Variants in ZMAT5 observed in about 807,000 individuals in gnomAD.
The protein encoded by ZMAT5 is zinc finger matrin-type 5.
In ZMAT5, 23 loss-of-function variants were observed where a neutral mutation model predicts 28.0. The ratio of observed to expected loss-of-function variants is 0.82; its 90% CI spans 0.59 to 1.16. The LOEUF (loss-of-function observed/expected upper bound fraction) is 1.16. ZMAT5 is among the 50% of genes most tolerant of loss of function. The pLI is 0.00. For synonymous variants in ZMAT5, 76 were observed against 84.1 expected (o/e 0.90, Z 0.52); for missense variants, 173 against 212.7 (o/e 0.81, Z 1.16).
intron 1 of ZMAT5, among the ~76,000 whole-genome samples, chr22:29,750,340 G>A (rs905811960): frequency 2.0e-5 from 3 of 152,210 alleles, no homozygotes; most frequent in Admixed American, 6.5e-5. Context: ...GCCAGAGGGC[G>A]CAGGCAGTGA....
At chr22:29,740,033 G>A (rs1430775013) in intron 4 of ZMAT5, among the ~76,000 whole-genome samples, 3 of 152,220 alleles carry the variant, frequency 2.0e-5, no homozygotes, top group African/African-American at 2.4e-5. Context: ...GGGGGCTCAC[G>A]CGAGGCCTTT....
intron 1 of ZMAT5, among the ~76,000 whole-genome samples, chr22:29,753,469 A>G (rs998881862): frequency 1.3e-5 from 2 of 152,036 alleles, no homozygotes; most frequent in African/African-American, 4.8e-5. Context: ...AGGTTGCAGT[A>G]AGCAGAGATC....
intron 3 of ZMAT5, among the ~76,000 whole-genome samples, chr22:29,741,714 A>G (rs113509904): frequency 0.018 from 2,798 of 152,126 alleles, 91 homozygotes; most frequent in African/African-American, 0.065. Context: ...CAGTGGTGCA[A>G]TCATAGCTCA....
intron 1 of ZMAT5, among the ~76,000 whole-genome samples, chr22:29,757,279 G>A (rs1046133058): frequency 6.7e-6 from 1 of 149,412 alleles, no homozygotes; most frequent in Admixed American, 6.7e-5. Flanking sequence ...GCTAGCCTAA[G>A]GTAGCAGATG....
rs552535512 is a variant in ZMAT5, at chr22:29,764,016, G to C, written c.-28+2856C>G. 3.4e-4 allele frequency among the ~76,000 whole-genome samples: 52 copies of C among 152,112 alleles called. No individual in the cohort carries two copies. In the South Asian group the frequency reaches 0.01, roughly 30 times the overall value. ...GCACACCTGTAATCCCAGCTATTTG[G>C]GAGGTTGAAGCAGGTGAATTGCTTG... On this transcript the variant is annotated intron_variant, in intron 1 of 5. Transcript: ENST00000344318.
chr22:29,736,507 G>A (rs1472954797), intron 5 of ZMAT5, among the ~76,000 whole-genome samples: 2 of 149,764 alleles, frequency 1.3e-5, no homozygotes, highest in Admixed American at 1.3e-4. Context: ...ATCACCTGAG[G>A]TCAGGAGTTC....
intron 4 of ZMAT5, 77 bp downstream of exon 4, chr22:29,740,573 G>C: frequency 6.9e-7 from 1 of 1,444,402 alleles, no homozygotes; most frequent in Non-Finnish European, 9.5e-7. Context: ...GGGAGGCATA[G>C]GCCAGCTTCC....
At chr22:29,733,555 A>G (rs115982059) in intron 5 of ZMAT5, among the ~76,000 whole-genome samples, 2,033 of 152,290 alleles carry the variant, frequency 0.013, 38 homozygotes, top group African/African-American at 0.046. Flanking sequence ...AGCTCTTGAC[A>G]TGATTTATGG....
intron 1 of ZMAT5, 81 bp from the exon 2 acceptor site, chr22:29,748,652 C>T: frequency 6.5e-7 from 1 of 1,538,048 alleles, no homozygotes; most frequent in Non-Finnish European, 8.8e-7. Context: ...TCCTGAGGGC[C>T]AGGCCTGAGC....
At chr22:29,757,384 A>G (rs1040747921) in intron 1 of ZMAT5, among the ~76,000 whole-genome samples, 3 of 152,148 alleles carry the variant, frequency 2.0e-5, no homozygotes, top group African/African-American at 7.2e-5. Flanking sequence ...CTAATCACCA[A>G]CCCAGGTCTG....
At chr22:29,740,904 C>T (rs945105251) in intron 3 of ZMAT5, among the ~76,000 whole-genome samples, 174 bp from the exon 4 acceptor site, 9 of 152,188 alleles carry the variant, frequency 5.9e-5, no homozygotes, top group African/African-American at 2.2e-4. Context: ...ATTCAGCAGC[C>T]AGAGCGACTT....
chr22:29,760,300 G>C (rs747964235), intron 1 of ZMAT5, among the ~76,000 whole-genome samples: 2 of 151,792 alleles, frequency 1.3e-5, no homozygotes, highest in African/African-American at 2.4e-5. Flanking sequence ...TTGAACCTGA[G>C]AGGCGGAGCT....
intron 1 of ZMAT5, among the ~76,000 whole-genome samples, chr22:29,751,872 A>G (rs131267): frequency 0.53 from 80,651 of 151,898 alleles, 21,774 homozygotes; most frequent in East Asian, 0.62. Context: ...GAAGTGAGGC[A>G]GGAGGCTGGC....
chr22:29,750,369 G>A (rs182043382), intron 1 of ZMAT5, among the ~76,000 whole-genome samples: 40 of 152,310 alleles, frequency 2.6e-4, no homozygotes, highest in Non-Finnish European at 4.1e-4. Context: ...AGCTTCCCAA[G>A]GAGATCACTA....
At chr22:29,755,667 T>C (rs2068095225) in intron 1 of ZMAT5, among the ~76,000 whole-genome samples, 1 of 152,214 alleles carries the variant, frequency 6.6e-6, no homozygotes, top group Non-Finnish European at 1.5e-5. Flanking sequence ...CGGTCCTAAT[T>C]TGTTCACAGC....
chr22:29,736,202 T>C (rs2041494215), intron 5 of ZMAT5, among the ~76,000 whole-genome samples: 1 of 152,096 alleles, frequency 6.6e-6, no homozygotes, highest in South Asian at 2.1e-4. Context: ...GAGTCTGGGG[T>C]GTAGGACGTG....
intron 4 of ZMAT5, 116 bp downstream of exon 4, chr22:29,740,533 TG>T: frequency 9.5e-7 from 1 of 1,055,352 alleles, no homozygotes; most frequent in Non-Finnish European, 1.4e-6. Context: ...TCACCCTGGG[TG>T]GCCCTTGGTT....
intron 5 of ZMAT5, among the ~76,000 whole-genome samples, chr22:29,733,359 G>A (rs1217533858): frequency 2.0e-5 from 3 of 152,152 alleles, no homozygotes; most frequent in Non-Finnish European, 4.4e-5. Flanking sequence ...GTGGAGAGCC[G>A]GGGTCAGGAG....
intron 1 of ZMAT5, among the ~76,000 whole-genome samples, chr22:29,766,216 A>AG (rs1163392234): frequency 1.3e-5 from 2 of 152,172 alleles, no homozygotes; most frequent in African/African-American, 4.8e-5. Context: ...AGCTGACCGG[A>AG]GTCAACCTCT....
Sources: gnomAD v4.1 joint callset for allele counts (sites outside exome capture counted in the v4.1 genomes callset) on GRCh38, gnomAD v4.1.1 for gene constraint, MANE v1.5 for transcripts, NCBI Gene and HGNC (gene_info 2026-07-23, HGNC 2026-07-21) for gene names.